Variants in SEMA6D observed in about 807,000 individuals in gnomAD.
SEMA6D encodes semaphorin-6D.
SEMA6D carries 35 observed loss-of-function variants against 106.6 expected under a neutral mutation model. The ratio of observed to expected loss-of-function variants is 0.33; its 90% CI spans 0.25 to 0.44. The LOEUF (loss-of-function observed/expected upper bound fraction) is 0.44, where lower values mean the gene tolerates loss of function less well. Among genes scored for constraint, SEMA6D ranks in the 20% least tolerant of loss-of-function variants. The pLI is 1.00. For missense variants in SEMA6D, 1,185 were observed against 1,345.9 expected, an observed-to-expected ratio of 0.88 and a Z score of 1.87; for synonymous variants, 499 against 487.7, an observed-to-expected ratio of 1.02 and a Z score of -0.31.
At chr15:47,275,022 A>G (rs16959127) in intron 1 of SEMA6D, 2,614 of 152,288 alleles carry the variant, frequency 0.017, 49 homozygotes, top group African/African-American at 0.02. Context: ...AGAAGATTAC[A>G]TATGCTGGAT....
intron 4 of SEMA6D, among the ~76,000 whole-genome samples, chr15:47,672,249 T>C (rs2078151718): frequency 6.6e-6 from 1 of 152,204 alleles, no homozygotes; most frequent in South Asian, 2.1e-4. Flanking sequence ...GCTTTCCTGC[T>C]AAGCATTTTG....
At chr15:47,347,258 G>A (rs1217695800) in intron 1 of SEMA6D, among the ~76,000 whole-genome samples, 2 of 152,028 alleles carry the variant, frequency 1.3e-5, no homozygotes, top group African/African-American at 2.4e-5. Context: ...AGAATATCAG[G>A]GACAGCTTTA....
At chr15:47,472,699 T>C (rs1429384768) in intron 3 of SEMA6D, among the ~76,000 whole-genome samples, 3 of 152,194 alleles carry the variant, frequency 2.0e-5, no homozygotes, top group Non-Finnish European at 4.4e-5. Flanking sequence ...ATAACATTGA[T>C]ATAAAAAGTA....
intron 4 of SEMA6D, among the ~76,000 whole-genome samples, chr15:47,635,949 T>C (rs2144618429): frequency 9.4e-6 from 1 of 106,168 alleles, no homozygotes; most frequent in East Asian, 2.9e-4. Context: ...TTCACGAAAC[T>C]TAAATGCTAA....
At chr15:47,475,753 A>G (rs141827924) in intron 3 of SEMA6D, among the ~76,000 whole-genome samples, 8 of 152,288 alleles carry the variant, frequency 5.3e-5, no homozygotes, top group Non-Finnish European at 8.8e-5. Context: ...ATGGTATTAA[A>G]TCAGTTTTAT....
chr15:47,229,256 C>T (rs1463577649), intron 1 of SEMA6D, among the ~76,000 whole-genome samples: 1 of 151,974 alleles, frequency 6.6e-6, no homozygotes, highest in African/African-American at 2.4e-5. Flanking sequence ...TTTCTCATGG[C>T]TCTAGGACTA....
At chr15:47,545,770 G>A (rs1353635371) in intron 3 of SEMA6D, among the ~76,000 whole-genome samples, 2 of 152,112 alleles carry the variant, frequency 1.3e-5, no homozygotes, top group East Asian at 1.9e-4. Flanking sequence ...AAGGAAAGAA[G>A]CCCTGGAATG....
At chr15:47,244,180 G>A (rs2033078394) in intron 1 of SEMA6D, among the ~76,000 whole-genome samples, 1 of 152,060 alleles carries the variant, frequency 6.6e-6, no homozygotes, top group Non-Finnish European at 1.5e-5. Context: ...GAAGAGCTGA[G>A]GAACTTTGTG....
At chr15:47,453,410 G>C (rs1352179623) in intron 2 of SEMA6D, among the ~76,000 whole-genome samples, 1 of 151,898 alleles carries the variant, frequency 6.6e-6, no homozygotes, top group East Asian at 1.9e-4. Flanking sequence ...TCCATCCACA[G>C]TGAATCTGTA....
intron 1 of SEMA6D, among the ~76,000 whole-genome samples, chr15:47,323,417 A>C (rs959276752): frequency 6.6e-6 from 1 of 152,198 alleles, no homozygotes; most frequent in African/African-American, 2.4e-5. Flanking sequence ...AGACTCAAAA[A>C]TAGGAAGCCA....
intron 1 of SEMA6D, among the ~76,000 whole-genome samples, chr15:47,250,917 A>T (rs1232422696): frequency 6.6e-6 from 1 of 152,250 alleles, no homozygotes; most frequent in Non-Finnish European, 1.5e-5. Flanking sequence ...CGAATCCTTT[A>T]TCTGGTTTAT....
chr15:47,403,687 G>T (rs560964364), intron 1 of SEMA6D, among the ~76,000 whole-genome samples: 18 of 152,280 alleles, frequency 1.2e-4, no homozygotes, highest in South Asian at 2.1e-4. Flanking sequence ...ACTGCATGGG[G>T]ATGGGGAGAG....
At chr15:47,350,923 T>C (rs1408957735) in intron 1 of SEMA6D, among the ~76,000 whole-genome samples, 1 of 152,168 alleles carries the variant, frequency 6.6e-6, no homozygotes, top group South Asian at 2.1e-4. Context: ...CTGGTTTGCT[T>C]GTATGATAAC....
intron 3 of SEMA6D, among the ~76,000 whole-genome samples, chr15:47,497,045 C>T (rs762847679): frequency 6.6e-6 from 1 of 152,072 alleles, no homozygotes. Flanking sequence ...GACCTTTCTT[C>T]ACTCTCTCAA....
At chr15:47,678,406 C>G (rs2078286889) in intron 4 of SEMA6D, among the ~76,000 whole-genome samples, 1 of 152,186 alleles carries the variant, frequency 6.6e-6, no homozygotes, top group Admixed American at 6.5e-5. Flanking sequence ...TTCCCTCCCT[C>G]CCATCCTTCC....
chr15:47,303,743 A>G (rs2036112792), intron 1 of SEMA6D, among the ~76,000 whole-genome samples: 1 of 152,164 alleles, frequency 6.6e-6, no homozygotes, highest in Non-Finnish European at 1.5e-5. Context: ...TAAACCTTCC[A>G]CGAATGATGA....
intron 2 of SEMA6D, among the ~76,000 whole-genome samples, chr15:47,433,609 A>G (rs927274871): frequency 6.6e-6 from 1 of 152,126 alleles, no homozygotes; most frequent in Non-Finnish European, 1.5e-5. Context: ...TTTCTGCCAA[A>G]CATTGCAATT....
intron 1 of SEMA6D, among the ~76,000 whole-genome samples, chr15:47,268,546 C>T (rs1202065072): frequency 6.6e-6 from 1 of 152,046 alleles, no homozygotes; most frequent in Non-Finnish European, 1.5e-5. Context: ...TTTGAGATTC[C>T]ATTAAATGTC....
intron 1 of SEMA6D, among the ~76,000 whole-genome samples, chr15:47,329,186 T>A (rs1218544629): frequency 2.0e-5 from 3 of 152,184 alleles, no homozygotes; most frequent in Non-Finnish European, 2.9e-5. Context: ...TGAGAGTAAT[T>A]TATTTCAAGT....
Sources: allele counts gnomAD v4.1 joint callset (sites outside exome capture counted in the v4.1 genomes callset), GRCh38; gene constraint gnomAD v4.1.1; transcripts MANE v1.5; gene names NCBI Gene and HGNC (gene_info 2026-07-23, HGNC 2026-07-21).